NFIC: variants seen among roughly 807,000 people sequenced by gnomAD.
NFIC encodes the protein nuclear factor I C.
A neutral mutation model predicts 54.4 loss-of-function variants in NFIC; 12 were observed. The observed-to-expected ratio is 0.22, with a 90% CI of 0.14 to 0.36. The LOEUF is 0.36. NFIC is among the 10% of genes least tolerant of loss of function. The pLI is 1.00. For missense variants in NFIC, 575 were observed against 718.2 expected (o/e 0.80, Z 2.28); for synonymous variants, 322 against 319.2 (o/e 1.01, Z -0.09).
chr19:3,363,603 G>A (rs1055938961), upstream of NFIC, among the ~76,000 whole-genome samples: 4 of 152,002 alleles, frequency 2.6e-5, no homozygotes, highest in African/African-American at 9.7e-5. Context: ...GGGTGTGTGT[G>A]CATGTGTGTG....
intron 6 of NFIC, among the ~76,000 whole-genome samples, chr19:3,446,779 C>T (rs1239334863): frequency 6.6e-6 from 1 of 152,166 alleles, no homozygotes; most frequent in Non-Finnish European, 1.5e-5. Context: ...CGCCTGTAAT[C>T]CCAGCACTTT....
chr19:3,415,841 A>G (rs1568433586), intron 2 of NFIC, among the ~76,000 whole-genome samples: 2 of 151,898 alleles, frequency 1.3e-5, no homozygotes, highest in East Asian at 3.9e-4. Context: ...TGTCCACTCA[A>G]CACCCCTTTT....
At chr19:3,360,977 G>T (rs1461484217) in intron 1 of NFIC, among the ~76,000 whole-genome samples, 1 of 152,200 alleles carries the variant, frequency 6.6e-6, no homozygotes, top group South Asian at 2.1e-4. Flanking sequence ...TCCCGGCCTC[G>T]CCTCCCCCAG....
rs143284399 is a variant in NFIC, at chr19:3,378,519, GC to G, written c.31-3192del. 8.9e-3 allele frequency among the ~76,000 whole-genome samples: 1,358 copies of G among 152,354 alleles called. 25 individuals carry two copies. The highest frequency in any genetic ancestry group is 0.031 in the African/African-American group (1,304 of 41,580). On this transcript the variant is annotated intron_variant, in intron 1 of 10. Transcript: ENST00000443272. ...ACTGCCCCACATTTCTCTTCAAGGG[GC>G]TGCTGTTATTTTCGTGGGGAAGTCA... is the stretch of plus-strand genomic sequence containing the variant.
intron 6 of NFIC, among the ~76,000 whole-genome samples, chr19:3,437,791 G>T (rs2082228763): frequency 6.6e-6 from 1 of 151,408 alleles, no homozygotes; most frequent in South Asian, 2.1e-4. Context: ...TGATTCTCCT[G>T]CCTCAGCCTC....
intron 2 of NFIC, among the ~76,000 whole-genome samples, chr19:3,405,235 A>G (rs945465476): frequency 2.0e-5 from 3 of 152,244 alleles, no homozygotes; most frequent in Non-Finnish European, 2.9e-5. Flanking sequence ...GATGGAGGCC[A>G]GCGTCCTGGA....
At chr19:3,368,066 T>TGG (rs5826819) in intron 1 of NFIC, among the ~76,000 whole-genome samples, 37 of 150,216 alleles carry the variant, frequency 2.5e-4, no homozygotes, top group African/African-American at 8.6e-4. Context: ...TGAGCAGCTT[T>TGG]GGGGGGGGGG....
At chr19:3,394,960 TTGGAGGC>T (rs1279391086) in intron 2 of NFIC, among the ~76,000 whole-genome samples, 4 of 152,028 alleles carry the variant, frequency 2.6e-5, no homozygotes. Flanking sequence ...GCCAAGAAGG[TTGGAGGC>T]TGCTGTTCCA....
intron 1 of NFIC, among the ~76,000 whole-genome samples, chr19:3,360,510 C>T (rs1313459220): frequency 6.6e-6 from 1 of 152,028 alleles, no homozygotes; most frequent in African/African-American, 2.4e-5. Context: ...AGCCCCTGCG[C>T]TCCGTAACGG....
At position 3,423,398 on chromosome 19, in the gene NFIC, T is replaced by C. The variant is rs371083380; in HGVS notation, c.563-1708T>C. Among the ~76,000 whole-genome samples, 7 of 152,090 alleles carry C rather than the reference T, an allele frequency of 4.6e-5. No homozygotes were observed. In the East Asian group the frequency reaches 5.8e-4, roughly 13 times the overall value. ...GGACAGTTAGGCGACTTGCCTGAGGTCACACAGCGATCGCGTCCTGGCCTT... is the reference window on the plus strand; with the variant it reads ...GGACAGTTAGGCGACTTGCCTGAGGCCACACAGCGATCGCGTCCTGGCCTT... On this transcript the variant is annotated intron_variant, in intron 2 of 10. Transcript: ENST00000443272.
At chr19:3,422,111 T>C (rs2081961789) in intron 2 of NFIC, among the ~76,000 whole-genome samples, 1 of 152,038 alleles carries the variant, frequency 6.6e-6, no homozygotes, top group Admixed American at 6.6e-5. Flanking sequence ...TAATTTTGTA[T>C]TTTTGGTAGA....
rs2082178577 is a variant in NFIC at position 3,435,103 on chromosome 19, GC to G, written c.855del (p.Ser286ArgfsTer40). The G allele has an allele frequency of 6.2e-7, 1 of 1,603,954 alleles. No individual in the cohort carries two copies. The highest frequency in any genetic ancestry group is 1.3e-5 in the African/African-American group (1 of 74,840). ...ATAAGGAGCAAGCGGCACAAATCGG[GC>G]TCGATGGAGGAAGACGTGGACACGA... ...SSSGSKRHKS[G>X]SMEEDVDTSP... On this transcript the variant is annotated frameshift_variant, in exon 6 of 11. Transcript: ENST00000443272. LOFTEE classifies it high-confidence loss of function.
At chr19:3,439,208 A>G (rs1205849259) in intron 6 of NFIC, among the ~76,000 whole-genome samples, 1 of 150,612 alleles carries the variant, frequency 6.6e-6, no homozygotes, top group Non-Finnish European at 1.5e-5. Context: ...AGTGGTGTAC[A>G]CCTGTAGTCC....
chr19:3,433,156 G>C (rs2082147865), intron 3 of NFIC, among the ~76,000 whole-genome samples: 1 of 151,790 alleles, frequency 6.6e-6, no homozygotes, highest in Admixed American at 6.6e-5. Flanking sequence ...GTAGAGATGG[G>C]GTCTCGCTGT....
In NFIC at chr19:3,463,166, C is replaced by A; in HGVS notation, c.*397C>A. ...GGAAGGACAGACGCCGGCCGCCCGC[C>A]CGCGCCCCGGAGGCCCTGGCTCTGT... On this transcript the variant is annotated 3_prime_UTR_variant, in exon 11 of 11. Coordinates refer to ENST00000443272, the MANE Select transcript of NFIC (RefSeq NM_001245002.2). The A allele has an allele frequency of 9.3e-7, 1 of 1,079,460 alleles. No individual in the cohort carries two copies. The highest frequency in any genetic ancestry group is 1.1e-6 in the Non-Finnish European group (1 of 889,634). 66.9% of individuals were successfully genotyped at this position (1,079,460 alleles called of 1,614,324 possible).
intron 1 of NFIC, among the ~76,000 whole-genome samples, chr19:3,368,641 C>T (rs2080940129): frequency 6.6e-6 from 1 of 152,174 alleles, no homozygotes; most frequent in Non-Finnish European, 1.5e-5. Flanking sequence ...CCCCGCCCTC[C>T]ACCCCAGCCC....
intron 2 of NFIC, among the ~76,000 whole-genome samples, chr19:3,393,394 G>A (rs1347838889): frequency 2.0e-5 from 3 of 152,156 alleles, no homozygotes; most frequent in Non-Finnish European, 4.4e-5. Flanking sequence ...GTGGTTTCTA[G>A]ATTCTCCAGG....
intron 2 of NFIC, chr19:3,410,698 G>A (rs1233894419): frequency 1.3e-5 from 2 of 152,306 alleles, no homozygotes; most frequent in East Asian, 3.8e-4. Context: ...TTGACAAAAT[G>A]CTATCATCAA....
chr19:3,456,679 A>AGGGGCAGGGCG, intron 10 of NFIC, 44 bp downstream of exon 10: 1 of 1,220,718 alleles, frequency 8.2e-7, no homozygotes, highest in Non-Finnish European at 1.2e-6. Context: ...GGGGCAGGGC[A>AGGGGCAGGGCG]GAGGGGCCGG....
Sources: gnomAD v4.1 joint callset for allele counts (sites outside exome capture counted in the v4.1 genomes callset) on GRCh38, gnomAD v4.1.1 for gene constraint, MANE v1.5 for transcripts, NCBI Gene and HGNC (gene_info 2026-07-23, HGNC 2026-07-21) for gene names.